Variants in COL17A1 observed in about 807,000 individuals in gnomAD.
COL17A1 encodes collagen alpha-1(XVII) chain.
Under a neutral mutation model 218.4 loss-of-function variants are expected in COL17A1, and 181 were observed. The observed-to-expected ratio is 0.83, with a 90% CI of 0.73 to 0.94. COL17A1 has a LOEUF of 0.94. Ranked by LOEUF, COL17A1 falls within the 40% of genes least tolerant of loss-of-function variation. The probability of loss-of-function intolerance (pLI) is 0.00; values close to 1 mark genes in which losing one functional copy is unlikely to be tolerated. For synonymous variants in COL17A1, 721 were observed against 731.0 expected (o/e 0.99, Z 0.22); for missense variants, 1,924 against 1,945.9 (o/e 0.99, Z 0.21).
intron 29 of COL17A1, among the ~76,000 whole-genome samples, chr10:104,048,956 A>G (rs1342910296): frequency 1.3e-5 from 2 of 151,962 alleles, no homozygotes; most frequent in African/African-American, 4.8e-5. Context: ...CCTGAGTCCC[A>G]GGGATTACAG....
chr10:104,077,529 G>A lies in COL17A1; in HGVS notation c.98-3C>T, dbSNP rs752187393. 2.5e-6 allele frequency: 4 copies of A among 1,608,430 alleles called. No homozygotes were observed. In the East Asian group the frequency reaches 6.7e-5, roughly 27 times the overall value. ...ATAGCCATTGCTGGTCCCGCCTTCT[G>A]CCAGGAACAAAAGCAGGTGATAATT... On this transcript the variant is annotated splice_polypyrimidine_tract_variant and splice_region_variant and intron_variant, in intron 3 of 55. Coordinates refer to ENST00000648076, the MANE Select transcript of COL17A1 (RefSeq NM_000494.4).
At chr10:104,040,757 G>A (rs1020728833) in intron 39 of COL17A1, among the ~76,000 whole-genome samples, 4 of 152,154 alleles carry the variant, frequency 2.6e-5, no homozygotes, top group Admixed American at 6.5e-5. Flanking sequence ...TACTTCACGC[G>A]CATGTATCCT....
chr10:104,083,822 C>T (rs934695631), intron 1 of COL17A1, among the ~76,000 whole-genome samples: 1 of 152,172 alleles, frequency 6.6e-6, no homozygotes, highest in Admixed American at 6.5e-5. Flanking sequence ...GTATTTTTCT[C>T]TTTATTTTTT....
chr10:104,051,187 A>G (rs938262960), intron 25 of COL17A1, among the ~76,000 whole-genome samples: 6 of 152,172 alleles, frequency 3.9e-5, no homozygotes, highest in Admixed American at 1.3e-4. Context: ...CTCTGTGGCC[A>G]TAGGGGACAA....
At position 104,034,138 on chromosome 10, in the gene COL17A1, C is replaced by G. The variant is rs2086247147; in HGVS notation, c.3963G>C (p.Leu1321=). The G allele has an allele frequency of 6.8e-6, 11 of 1,613,860 alleles. No homozygotes were observed. Among genetic ancestry groups the G allele is most frequent in the Non-Finnish European group, 9.3e-6 (11 of 1,180,032 alleles). The change falls in exon 52 of 56, where the codon CTG becomes CTC. Residue 1321 remains leucine (L), a synonymous_variant. Coordinates refer to ENST00000648076, the MANE Select transcript of COL17A1 (RefSeq NM_000494.4). ...CTTCACCAAAGGCACCGCCTGCACC[C>G]AGGGAGCCTGCACCACCTCCTCCTG... ...MSTGGGGAGS[L]GAGGAFGEAA...
chr10:104,058,107 C>T (rs769235864), intron 16 of COL17A1, 39 bp downstream of exon 16: 8 of 1,613,708 alleles, frequency 5.0e-6, no homozygotes, highest in Admixed American at 3.3e-5. Context: ...AGCAGCCCCA[C>T]TGGATCCTGT....
Position 104,064,658 on chromosome 10 carries a change from T to C in COL17A1, c.608-62A>G, listed in dbSNP as rs975679158. On this transcript the variant is annotated intron_variant, in intron 9 of 55. Coordinates refer to ENST00000648076, the MANE Select transcript of COL17A1 (RefSeq NM_000494.4). ...CAAATCAACACTCCCTGCTGGGGAATCTAGTCACCTCATTTTGCTGGGATT... is the reference window on the plus strand; with the variant it reads ...CAAATCAACACTCCCTGCTGGGGAACCTAGTCACCTCATTTTGCTGGGATT... 1.4e-5 allele frequency: 21 copies of C among 1,455,530 alleles called. No homozygotes were observed. The East Asian group carries it at 2.2e-4, about 15-fold the overall frequency. The allele number at this position is 1,455,530 out of a possible 1,614,324, so 90.2% of individuals were successfully genotyped here.
Position 104,034,747 on chromosome 10 carries a change from G to T in COL17A1, c.3640C>A (p.Pro1214Thr). 6.2e-7 allele frequency: 1 copy of T among 1,612,654 alleles called. No homozygotes were observed. Among genetic ancestry groups the T allele is most frequent in the South Asian group, 1.1e-5 (1 of 90,604 alleles). Residue 1214 changes from proline to threonine, a missense_variant, in exon 51 of 56, where the codon CCA (proline) becomes ACA (threonine). By Grantham distance (38) the Pro-to-Thr change is conservative. Transcript: ENST00000648076. ...YLHTAGLSFI[P>T]GPPGPPGPPG... ...GGACCAGGAGGTCCTGGAGGGCCTG[G>T]GATGAATGACAAGCCGGCAGCTGGG...
At chr10:104,047,936 G>T in intron 30 of COL17A1, 126 bp from the exon 31 acceptor site, 2 of 1,373,138 alleles carry the variant, frequency 1.5e-6, no homozygotes, top group Non-Finnish European at 2.1e-6. Context: ...AGGAGAAGGG[G>T]AACAGAACTG....
At position 104,033,379 on chromosome 10, in the gene COL17A1, TA is replaced by T; in HGVS notation, c.4157-5del. The T allele has an allele frequency of 6.2e-7, 1 of 1,610,060 alleles. No homozygotes were observed. The highest frequency in any genetic ancestry group is 2.2e-5 in the East Asian group (1 of 44,798). On this transcript the variant is annotated splice_polypyrimidine_tract_variant and splice_region_variant and intron_variant, in intron 52 of 55. Coordinates refer to ENST00000648076, the MANE Select transcript of COL17A1 (RefSeq NM_000494.4). ...ATCCCTTGCAGTAGGCCCTGACCTGTAAAACACCAGAGCTTGGGCACAGGAA... is the reference window on the plus strand; with the variant it reads ...ATCCCTTGCAGTAGGCCCTGACCTGTAAACACCAGAGCTTGGGCACAGGAA...
Position 104,041,102 on chromosome 10 carries a change from G to A in COL17A1, c.2664C>T (p.Gly888=). 1 of 1,613,706 alleles carries A rather than the reference G, an allele frequency of 6.2e-7. No individual in the cohort carries two copies. The highest frequency in any genetic ancestry group is 1.1e-5 in the South Asian group (1 of 91,048). ...PRGPPGEGLP[G]PPGPPGSFLS... ...GGAACGATCCTGGTGGGCCTGGTGG[G>A]CCTGGCAAACCCTCCCCTAGGAAAG... Residue 888 remains glycine (G), a synonymous_variant, in exon 39 of 56, where the codon GGC becomes GGT. Transcript: ENST00000648076.
rs2086535132 is a variant in COL17A1, at chr10:104,056,989, C to A, written c.1451G>T (p.Gly484Val). ...TTGCCACGTACCCAGAGCAATGAGG[C>A]CGAAGAGCAGCCCCAGGAGTAGCAG... ...TWLLLLGLLFGLIALAEEVRK... is the reference protein window; with the variant it reads ...TWLLLLGLLFVLIALAEEVRK... The change falls in exon 17 of 56, where the codon GGC becomes GTC. Residue 484 changes from glycine to valine, a missense_variant. By Grantham distance (109) the Gly-to-Val change is moderately radical. Coordinates refer to ENST00000648076, the MANE Select transcript of COL17A1 (RefSeq NM_000494.4). 1.9e-6 allele frequency: 3 copies of A among 1,579,022 alleles called. No homozygotes were observed. The East Asian group carries it at 7.0e-5, about 37-fold the overall frequency.
In COL17A1 at chr10:104,034,033, A is replaced by C. The variant is rs763468633; in HGVS notation, c.4068T>G (p.Tyr1356Ter). The change falls in exon 52 of 56, where the codon TAT becomes TAG. Residue 1356 changes from tyrosine (Y) to a stop codon, truncating the protein, a stop_gained. Coordinates refer to ENST00000648076, the MANE Select transcript of COL17A1 (RefSeq NM_000494.4). LOFTEE classifies it high-confidence loss of function. ...CTCCCAATAGTCCGCCATTGCCAGC[A>C]TACATGCCGCCTTCTGCTGCTGCCC... ...GYGAAAEGGM[Y>*]AGNGGLLGAD... 1 of 1,614,182 alleles carries C rather than the reference A, an allele frequency of 6.2e-7. No individual in the cohort carries two copies. Among genetic ancestry groups the C allele is most frequent in the Non-Finnish European group, 8.5e-7 (1 of 1,180,026 alleles).
At chr10:104,054,917 C>G (rs1023791699) in intron 20 of COL17A1, 64 bp downstream of exon 20, 17 of 1,612,152 alleles carry the variant, frequency 1.1e-5, no homozygotes, top group African/African-American at 2.7e-5. Flanking sequence ...CTGACACTTG[C>G]TGATTGTTTG....
Position 104,058,336 on chromosome 10 carries a change from C to T in COL17A1, c.1223-146G>A. 4 of 954,274 alleles carry T rather than the reference C, an allele frequency of 4.2e-6. No homozygotes were observed. In the South Asian group the frequency reaches 5.9e-5, roughly 14 times the overall value. 59.1% of individuals were successfully genotyped at this position (954,274 alleles called of 1,614,324 possible). Reference sequence around the variant, plus strand: ...GGAACATCCAGCATCTCAGTCCTCACTAATCTGATATTTGCGATAATTACA... The same window carrying T: ...GGAACATCCAGCATCTCAGTCCTCATTAATCTGATATTTGCGATAATTACA... On this transcript the variant is annotated intron_variant, in intron 15 of 55. Transcript: ENST00000648076.
intron 1 of COL17A1, among the ~76,000 whole-genome samples, chr10:104,084,566 T>C (rs1345512311): frequency 6.6e-6 from 1 of 152,204 alleles, no homozygotes. Flanking sequence ...GCTAATTTTG[T>C]ATTTTTTGTA....
intron 9 of COL17A1, among the ~76,000 whole-genome samples, chr10:104,066,532 T>C (rs1480677541): frequency 6.6e-6 from 1 of 152,154 alleles, no homozygotes; most frequent in African/African-American, 2.4e-5. Flanking sequence ...GGTTATGCTC[T>C]TTGTTAAATT....
chr10:104,049,420 T>G lies in COL17A1; in HGVS notation c.2216A>C (p.Lys739Thr). Reference sequence around the variant, plus strand: ...TTTGGAACACTTACCCATTGCTCCTTTAGCCCCGGGCTCACCAACAGCACC... The same window carrying G: ...TTTGGAACACTTACCCATTGCTCCTGTAGCCCCGGGCTCACCAACAGCACC... ...LPGAVGEPGA[K>T]GAMGPAGPDG... The change falls in exon 29 of 56, where the codon AAA becomes ACA. Residue 739 changes from lysine (K) to threonine (T), a missense_variant. Transcript: ENST00000648076. 6.2e-7 allele frequency: 1 copy of G among 1,614,162 alleles called. No individual in the cohort carries two copies. Among genetic ancestry groups the G allele is most frequent in the Non-Finnish European group, 8.5e-7 (1 of 1,179,986 alleles).
At chr10:104,070,205 G>A (rs973356035) in intron 9 of COL17A1, among the ~76,000 whole-genome samples, 26 of 152,198 alleles carry the variant, frequency 1.7e-4, no homozygotes. Context: ...TACATTGTGG[G>A]AATTTAGGAA....
Sources: gnomAD v4.1 joint callset for allele counts (sites outside exome capture counted in the v4.1 genomes callset) on GRCh38, gnomAD v4.1.1 for gene constraint, MANE v1.5 for transcripts, NCBI Gene and HGNC (gene_info 2026-07-23, HGNC 2026-07-21) for gene names.